VDAC1: variants seen among roughly 807,000 people sequenced by gnomAD.
The protein encoded by VDAC1 is voltage dependent anion channel 1.
VDAC1 carries 10 observed loss-of-function variants against 34.7 expected under a neutral mutation model. The ratio of observed to expected loss-of-function variants is 0.29; its 90% CI spans 0.18 to 0.49. VDAC1 has a LOEUF of 0.49. Among genes scored for constraint, VDAC1 ranks in the 20% least tolerant of loss-of-function variants. The pLI, the probability that VDAC1 is intolerant of heterozygous loss-of-function variation, is 0.99. For synonymous variants in VDAC1, 130 were observed against 136.0 expected (o/e 0.96, Z 0.30); for missense variants, 230 against 347.9 (o/e 0.66, Z 2.69).
intron 1 of VDAC1, among the ~76,000 whole-genome samples, chr5:133,996,103 C>T (rs145871869): frequency 2.6e-5 from 4 of 152,332 alleles, no homozygotes; most frequent in Non-Finnish European, 5.9e-5. Flanking sequence ...CCTGGACAGA[C>T]AGAAGTCAGA....
At chr5:134,071,952 T>A in the VDAC1 span, among the ~76,000 whole-genome samples, 18 of 152,094 alleles carry the variant, frequency 1.2e-4, no homozygotes, top group African/African-American at 4.1e-4. The surrounding 1 kb of genome is among the most constrained non-coding windows in gnomAD (Gnocchi z 4.1). Flanking sequence ...AACCCCTGGA[T>A]AGGAGGCTGG....
chr5:134,034,261 G>A, the VDAC1 span, among the ~76,000 whole-genome samples: 2 of 152,170 alleles, frequency 1.3e-5, no homozygotes, highest in African/African-American at 4.8e-5. Context: ...GCAATTTGAA[G>A]CTACTTTCTG....
the VDAC1 span, among the ~76,000 whole-genome samples, chr5:134,043,384 A>G: frequency 6.6e-6 from 1 of 152,196 alleles, no homozygotes; most frequent in Non-Finnish European, 1.5e-5. Context: ...GGACAAGGGC[A>G]GCGCTGGGCC....
chr5:133,978,724 A>G (rs766141436), intron 6 of VDAC1, among the ~76,000 whole-genome samples: 1 of 152,198 alleles, frequency 6.6e-6, no homozygotes, highest in Non-Finnish European at 1.5e-5. Context: ...TCAAAACCAT[A>G]AACAGAAGGC....
the VDAC1 span, among the ~76,000 whole-genome samples, chr5:134,108,470 A>C: frequency 1.3e-5 from 2 of 152,106 alleles, no homozygotes; most frequent in Non-Finnish European, 2.9e-5. Flanking sequence ...GGTCCTCTTC[A>C]AATTTACCCT....
upstream of VDAC1, chr5:134,005,261 A>G (rs1178154114): frequency 5.9e-5 from 9 of 152,180 alleles, no homozygotes; most frequent in Non-Finnish European, 1.3e-4. Flanking sequence ...GCCCCCCATC[A>G]AAGCCCGCGT....
At chr5:134,087,083 A>C in the VDAC1 span, among the ~76,000 whole-genome samples, 1 of 152,142 alleles carries the variant, frequency 6.6e-6, no homozygotes, top group Non-Finnish European at 1.5e-5. Flanking sequence ...GAATGCCTCC[A>C]CTGCCTTTGA....
In VDAC1 at chr5:133,979,424, CTTTTTTTTTTTTT is replaced by C. The variant is rs71581380; in HGVS notation, c.551+1292_551+1304del. On this transcript the variant is annotated intron_variant, in intron 6 of 8. Coordinates refer to ENST00000265333, the MANE Select transcript of VDAC1 (RefSeq NM_003374.3). ...TATAATAAAATTGATATTTTCTTTG[CTTTTTTTTTTTTT>C]TTTTTTTTTTGAGACGGAGTCTTGC... Among the ~76,000 whole-genome samples the C allele has an allele frequency of 3.7e-5, 3 of 80,994 alleles. No homozygotes were observed. In the Admixed American group the frequency reaches 6.4e-4, roughly 17 times the overall value. The allele number at this position is 80,994 out of a possible 152,430, so 53.1% of individuals were successfully genotyped here.
chr5:133,979,047 C>T (rs1372998203), intron 6 of VDAC1, among the ~76,000 whole-genome samples: 8 of 152,096 alleles, frequency 5.3e-5, no homozygotes, highest in Non-Finnish European at 8.8e-5. Context: ...ACAGGTGGAA[C>T]TGTTCAAATT....
chr5:134,072,891 T>C, the VDAC1 span, among the ~76,000 whole-genome samples: 2 of 152,134 alleles, frequency 1.3e-5, no homozygotes. Flanking sequence ...TTGTTTCTGT[T>C]ATGAAAACCC....
intron 2 of VDAC1, 89 bp downstream of exon 2, chr5:133,992,857 C>G: frequency 7.7e-7 from 1 of 1,290,902 alleles, no homozygotes; most frequent in Non-Finnish European, 1.1e-6. Flanking sequence ...AGCTGACCTA[C>G]CCAGGTCTCC....
chr5:134,032,641 C>T, the VDAC1 span, among the ~76,000 whole-genome samples: 10 of 151,914 alleles, frequency 6.6e-5, no homozygotes, highest in South Asian at 6.2e-4. Flanking sequence ...AAAGAGGAAA[C>T]GAATACAAAT....
At chr5:134,002,661 T>G (rs955915772) in intron 1 of VDAC1, among the ~76,000 whole-genome samples, 1 of 152,240 alleles carries the variant, frequency 6.6e-6, no homozygotes, top group Non-Finnish European at 1.5e-5. Context: ...GAGATGTCTG[T>G]GTCCCTCAAA....
chr5:134,085,722 TAAAAAAAAAAAAAAAA>T, the VDAC1 span, among the ~76,000 whole-genome samples: 27 of 44,248 alleles, frequency 6.1e-4, no homozygotes, highest in African/African-American at 1.5e-3. Context: ...ACCCCATTTC[TAAAAAAAAAAAAAAAA>T]AAAAAAAAAA....
At chr5:133,995,252 T>C (rs944941340) in intron 1 of VDAC1, among the ~76,000 whole-genome samples, 5 of 152,190 alleles carry the variant, frequency 3.3e-5, no homozygotes, top group Non-Finnish European at 7.4e-5. Flanking sequence ...CCAAGCTCTT[T>C]TGGGGCTGTG....
chr5:134,093,857 G>C, the VDAC1 span, among the ~76,000 whole-genome samples: 2 of 152,206 alleles, frequency 1.3e-5, no homozygotes, highest in Non-Finnish European at 2.9e-5. Context: ...ATACTCCCCA[G>C]AGAGGGATGG....
the VDAC1 span, among the ~76,000 whole-genome samples, chr5:134,029,326 G>C: frequency 3.4e-3 from 518 of 152,322 alleles, 4 homozygotes; most frequent in African/African-American, 0.011. Context: ...AATATGTGGG[G>C]TAATAAAGGT....
At chr5:134,052,882 C>T in the VDAC1 span, among the ~76,000 whole-genome samples, 3 of 152,074 alleles carry the variant, frequency 2.0e-5, no homozygotes, top group Non-Finnish European at 2.9e-5. Flanking sequence ...TTTGGGAGGC[C>T]GAGGTGGGCC....
intron 7 of VDAC1, 150 bp downstream of exon 7, chr5:133,975,721 A>T: frequency 8.1e-7 from 1 of 1,230,846 alleles, no homozygotes; most frequent in Non-Finnish European, 1.1e-6. Flanking sequence ...GGCCTCCCAA[A>T]GTGCAGGGAT....
Sources: gnomAD v4.1 joint callset for allele counts (sites outside exome capture counted in the v4.1 genomes callset) on GRCh38, gnomAD v4.1.1 for gene constraint, Gnocchi (gnomAD v3.1) non-coding constraint, MANE v1.5 for transcripts, NCBI Gene and HGNC (gene_info 2026-07-23, HGNC 2026-07-21) for gene names.